ZNF316: variants seen among roughly 807,000 people sequenced by gnomAD.
The protein encoded by ZNF316 is zinc finger protein 316.
Under a neutral mutation model 75.6 loss-of-function variants are expected in ZNF316, and 23 were observed. The observed-to-expected ratio is 0.30, with a 90% CI of 0.22 to 0.43. The LOEUF (loss-of-function observed/expected upper bound fraction) is 0.43. Ranked by LOEUF, ZNF316 falls within the 20% of genes least tolerant of loss-of-function variation. The pLI is 1.00. For synonymous variants in ZNF316, 827 were observed against 666.2 expected, an observed-to-expected ratio of 1.24 and a Z score of -3.72; for missense variants, 1,266 against 1,409.4, an observed-to-expected ratio of 0.90 and a Z score of 1.63.
rs2115319985 is a variant in ZNF316 at position 6,653,121 on chromosome 7, T to C, written c.1525T>C (p.Cys509Arg). Reference protein sequence around the residue: ...DFQRHRRGGGCAEAGGDGPRR... With the variant: ...DFQRHRRGGGRAEAGGDGPRR... The stretch of plus-strand genomic sequence containing the variant: ...CCAGCGCCACCGACGCGGCGGGGGC[T>C]GCGCGGAGGCGGGTGGTGACGGCCC... The change falls in exon 9 of 9, where the codon TGC becomes CGC. Residue 509 changes from cysteine (C) to arginine (R), a missense_variant. Physicochemically the swap from Cys to Arg is radical, Grantham distance 180. Transcript: ENST00000382252. 1 of 1,166,192 alleles carries C rather than the reference T, an allele frequency of 8.6e-7. No homozygotes were observed. Among genetic ancestry groups the C allele is most frequent in the East Asian group, 4.0e-5 (1 of 24,868 alleles). 72.2% of individuals were successfully genotyped at this position (1,166,192 alleles called of 1,614,324 possible). A position where few individuals can be genotyped will look rare whatever the true frequency, so the allele number is the denominator to read the frequency against.
chr7:6,651,235 C>T (rs1387708978), intron 8 of ZNF316, among the ~76,000 whole-genome samples: 3 of 152,082 alleles, frequency 2.0e-5, no homozygotes. Flanking sequence ...CCTGTAACTC[C>T]AGTTACTCGG....
intron 8 of ZNF316, among the ~76,000 whole-genome samples, chr7:6,647,538 GGGGA>G (rs1441851372): frequency 6.6e-6 from 1 of 152,258 alleles, no homozygotes; most frequent in East Asian, 1.9e-4. Context: ...GGCCGGGTGA[GGGGA>G]GGGAGCAGGT....
At position 6,652,452 on chromosome 7, in the gene ZNF316, G is replaced by A; in HGVS notation, c.856G>A (p.Asp286Asn). The A allele has an allele frequency of 7.3e-6, 9 of 1,231,930 alleles. No individual in the cohort carries two copies. Among genetic ancestry groups the A allele is most frequent in the Non-Finnish European group, 8.1e-6 (8 of 987,852 alleles). The allele number at this position is 1,231,930 out of a possible 1,614,324, so 76.3% of individuals were successfully genotyped here. The stretch of plus-strand genomic sequence containing the variant: ...GGACGTGCCTGGGACGTGGGGGCCC[G>A]ACGACTCGGATTCGGCGCAGACTCC... ...VGDVPGTWGP[D>N]DSDSAQTPEG... is the part of the protein sequence containing the mutation. The change falls in exon 9 of 9, where the codon GAC becomes AAC. Residue 286 changes from aspartate to asparagine, a missense_variant. By Grantham distance (23) the Asp-to-Asn change is conservative (BLOSUM62 1). Coordinates refer to ENST00000382252, the MANE Select transcript of ZNF316 (RefSeq NM_001278559.2).
chr7:6,652,560 C>A lies in ZNF316; in HGVS notation c.964C>A (p.Pro322Thr). ...GAAGCCTTTCCTGCCCGGCCGGGAG[C>A]CGGGTGCGAACCTGCTGTCGCCCTG... ...EAKPFLPGRE[P>T]GANLLSPWAF... Residue 322 changes from proline (P) to threonine (T), a missense_variant, in exon 9 of 9, where the codon CCG (proline) becomes ACG (threonine). Transcript: ENST00000382252. The A allele has an allele frequency of 8.1e-7, 1 of 1,230,984 alleles. No individual in the cohort carries two copies. The highest frequency in any genetic ancestry group is 1.0e-6 in the Non-Finnish European group (1 of 987,394). 76.3% of individuals were successfully genotyped at this position (1,230,984 alleles called of 1,614,324 possible). A position where few individuals can be genotyped will look rare whatever the true frequency, so the allele number is the denominator to read the frequency against.
rs563723991 is a variant in ZNF316, at chr7:6,639,396, C to T, written c.-167+255C>T. On this transcript the variant is annotated intron_variant, in intron 3 of 8. Coordinates refer to ENST00000382252, the MANE Select transcript of ZNF316 (RefSeq NM_001278559.2). This position sits in a 1 kb window ranked among gnomAD's most constrained non-coding sequence, Gnocchi z 4.2. ...GTACTCAGGGAGAGAGATGATAAGA[C>T]AGTCTCATAAGTGTATTTTTAAGAT... Among the ~76,000 whole-genome samples the T allele has an allele frequency of 9.9e-5, 15 of 152,258 alleles. No homozygotes were observed. The highest frequency in any genetic ancestry group is 3.3e-4 in the Admixed American group (5 of 15,278).
At chr7:6,648,038 C>G (rs1464280464) in intron 8 of ZNF316, among the ~76,000 whole-genome samples, 3 of 152,348 alleles carry the variant, frequency 2.0e-5, no homozygotes, top group Non-Finnish European at 4.4e-5. Flanking sequence ...CACAGTTAAA[C>G]CAGGGCCTGG....
At position 6,643,827 on chromosome 7, in the gene ZNF316, G is replaced by A. The variant is rs546918989; in HGVS notation, c.471G>A (p.Leu157=). 1 of 1,236,426 alleles carries A rather than the reference G, an allele frequency of 8.1e-7. No individual in the cohort carries two copies. The highest frequency in any genetic ancestry group is 1.5e-5 in the African/African-American group (1 of 64,612). 76.6% of individuals were successfully genotyped at this position (1,236,426 alleles called of 1,614,324 possible). ...CTGAGGCTCTGTTTCCCCAGGAGCT[G>A]GTGACGTTTGAAGATGTGGCTGTGT... is the stretch of plus-strand genomic sequence containing the variant. The part of the protein sequence containing the change: ...DDLLTAGCQE[L]VTFEDVAVYF... The change falls in exon 7 of 9, where the codon CTG becomes CTA. Residue 157 remains leucine (L), a synonymous_variant. Coordinates refer to ENST00000382252, the MANE Select transcript of ZNF316 (RefSeq NM_001278559.2).
chr7:6,651,569 T>G (rs1159835871), intron 8 of ZNF316, among the ~76,000 whole-genome samples: 1 of 151,888 alleles, frequency 6.6e-6, no homozygotes, highest in African/African-American at 2.4e-5. Context: ...GCAGAAGAAT[T>G]GCTTGAACCT....
intron 6 of ZNF316, 80 bp downstream of exon 6, chr7:6,643,153 C>T (rs1779341711): frequency 1.6e-6 from 2 of 1,229,652 alleles, no homozygotes; most frequent in Non-Finnish European, 2.0e-6. Flanking sequence ...TGTTTGGAGG[C>T]GTCTGTTGGC....
rs1779295253 is a variant in ZNF316, at chr7:6,640,578, C to T, written c.-166-1247C>T. Among the ~76,000 whole-genome samples the T allele has an allele frequency of 6.6e-6, 1 of 152,230 alleles. No homozygotes were observed. The highest frequency in any genetic ancestry group is 2.1e-4 in the South Asian group (1 of 4,832). Reference sequence around the variant, plus strand: ...CCAGTCACCTCCCACCAGGCCCCGCCTCCAGCATTGGGGATTACGGTTCAG... The same window carrying T: ...CCAGTCACCTCCCACCAGGCCCCGCTTCCAGCATTGGGGATTACGGTTCAG... On this transcript the variant is annotated intron_variant, in intron 3 of 8. Transcript: ENST00000382252. This position sits in a 1 kb window ranked among gnomAD's most constrained non-coding sequence, Gnocchi z 5.1.
rs1779592153 is a variant in ZNF316, at chr7:6,654,906, A to T, written c.*295A>T. ...GGCCCGGGCTGTGAAGCAGGGCGGT[A>T]GTTGGCGGGCGATGCTATTTATTTC... On this transcript the variant is annotated 3_prime_UTR_variant, in exon 9 of 9. Transcript: ENST00000382252. The T allele has an allele frequency of 4.6e-6, 1 of 218,396 alleles. No homozygotes were observed. The highest frequency in any genetic ancestry group is 1.9e-4 in the South Asian group (1 of 5,400). 13.5% of individuals were successfully genotyped at this position (218,396 alleles called of 1,614,324 possible).
At chr7:6,644,021 G>A (rs1779356076) in intron 7 of ZNF316, 73 bp downstream of exon 7, 3 of 1,225,914 alleles carry the variant, frequency 2.4e-6, no homozygotes, top group Non-Finnish European at 2.0e-6. Context: ...TGTCTGACGG[G>A]GCGCTTTTCA....
At position 6,653,645 on chromosome 7, in the gene ZNF316, G is replaced by T. The variant is rs986279733; in HGVS notation, c.2049G>T (p.Ala683=). 4.7e-6 allele frequency: 5 copies of T among 1,067,658 alleles called. No homozygotes were observed. The highest frequency in any genetic ancestry group is 2.3e-6 in the Non-Finnish European group (2 of 881,486). 66.1% of individuals were successfully genotyped at this position (1,067,658 alleles called of 1,614,324 possible). Residue 683 remains alanine, a synonymous_variant, in exon 9 of 9, where the codon GCG becomes GCT. Coordinates refer to ENST00000382252, the MANE Select transcript of ZNF316 (RefSeq NM_001278559.2). ...GGLLAEPAPA[A]LAEEESPWIC... ...TGCTGGCGGAGCCCGCGCCGGCCGC[G>T]CTGGCGGAGGAGGAGAGCCCGTGGA...
At position 6,648,494 on chromosome 7, in the gene ZNF316, C is replaced by T. The variant is rs987174495; in HGVS notation, c.707-3809C>T. Among the ~76,000 whole-genome samples the T allele has an allele frequency of 5.3e-5, 8 of 152,258 alleles. No homozygotes were observed. In the East Asian group the frequency reaches 7.7e-4, roughly 15 times the overall value. On this transcript the variant is annotated intron_variant, in intron 8 of 8. Coordinates refer to ENST00000382252, the MANE Select transcript of ZNF316 (RefSeq NM_001278559.2). Reference sequence around the variant, plus strand: ...GTGGTGGCAGCAGCGCCACCTGACCCGGGGAGCAGTGGAGGTGCTTCTGCA... The same window carrying T: ...GTGGTGGCAGCAGCGCCACCTGACCTGGGGAGCAGTGGAGGTGCTTCTGCA...
chr7:6,645,693 A>C (rs1779388542), intron 8 of ZNF316, among the ~76,000 whole-genome samples: 2 of 145,094 alleles, frequency 1.4e-5, no homozygotes, highest in African/African-American at 5.2e-5. Flanking sequence ...CAAAAATTAA[A>C]AAAGAAATAA....
Position 6,653,566 on chromosome 7 carries a change from G to C in ZNF316, c.1970G>C (p.Gly657Ala), listed in dbSNP as rs938686478. 1 of 1,129,558 alleles carries C rather than the reference G, an allele frequency of 8.9e-7. No homozygotes were observed. The highest frequency in any genetic ancestry group is 1.1e-6 in the Non-Finnish European group (1 of 922,222). 70.0% of individuals were successfully genotyped at this position (1,129,558 alleles called of 1,614,324 possible). A position where few individuals can be genotyped will look rare whatever the true frequency, so the allele number is the denominator to read the frequency against. The change falls in exon 9 of 9, where the codon GGG becomes GCG. Residue 657 changes from glycine to alanine, a missense_variant. Transcript: ENST00000382252. ...GCGTGCGACCCTTTCGGCGGCGGCG[G>C]GGCCGCGGGCGGCGGAGGCGGCCTG... is the stretch of plus-strand genomic sequence containing the variant. ...GLACDPFGGG[G>A]AAGGGGGLRA... is the part of the protein sequence containing the mutation.
chr7:6,640,607 G>A lies in ZNF316; in HGVS notation c.-166-1218G>A, dbSNP rs897019882. ...AGCATTGGGGATTACGGTTCAGCGT[G>A]AGATCTGGGCGGGGACAAACATCCA... On this transcript the variant is annotated intron_variant, in intron 3 of 8. Coordinates refer to ENST00000382252, the MANE Select transcript of ZNF316 (RefSeq NM_001278559.2). The surrounding 1 kb of genome is among the most constrained non-coding windows in gnomAD (Gnocchi z 5.1). 6.6e-6 allele frequency among the ~76,000 whole-genome samples: 1 copy of A among 152,224 alleles called. No homozygotes were observed. Among genetic ancestry groups the A allele is most frequent in the South Asian group, 2.1e-4 (1 of 4,836 alleles).
Position 6,652,951 on chromosome 7 carries a change from C to G in ZNF316, c.1355C>G (p.Thr452Ser). ...SYLVTHQRTH[T>S]GERPYPCSHC... is the part of the protein sequence containing the mutation. ...CTGGTCACGCACCAGCGCACGCACA[C>G]CGGCGAGCGACCCTACCCGTGTTCG... Residue 452 changes from threonine to serine, a missense_variant, in exon 9 of 9, where the codon ACC (threonine) becomes AGC (serine). Physicochemically the swap from Thr to Ser is moderately conservative, Grantham distance 58. This residue lies in a region of ZNF316 where 961 missense variants were observed against 990.9 expected (regional missense o/e 0.97). Transcript: ENST00000382252. 3 of 1,243,492 alleles carry G rather than the reference C, an allele frequency of 2.4e-6. No homozygotes were observed. Among genetic ancestry groups the G allele is most frequent in the Non-Finnish European group, 3.0e-6 (3 of 993,226 alleles). The allele number at this position is 1,243,492 out of a possible 1,614,324, so 77.0% of individuals were successfully genotyped here.
At chr7:6,651,620 G>A (rs1389799769) in intron 8 of ZNF316, among the ~76,000 whole-genome samples, 16 of 151,916 alleles carry the variant, frequency 1.1e-4, no homozygotes, top group Admixed American at 9.2e-4. Flanking sequence ...AAAAAAAGCC[G>A]GGCGTGGTGG....
Sources: allele counts gnomAD v4.1 joint callset (sites outside exome capture counted in the v4.1 genomes callset), GRCh38; gene constraint gnomAD v4.1.1; regional missense constraint gnomAD v4.1.1; non-coding constraint Gnocchi (gnomAD v3.1); transcripts MANE v1.5; gene names NCBI Gene and HGNC (gene_info 2026-07-23, HGNC 2026-07-21).